CELF2: variants seen among roughly 807,000 people sequenced by gnomAD.
CELF2 encodes CUG triplet repeat RNA-binding protein 2.
In CELF2, 8 loss-of-function variants were observed where a neutral mutation model predicts 62.6. The ratio of observed to expected loss-of-function variants is 0.13; its 90% confidence interval spans 0.07 to 0.23. CELF2 has a LOEUF of 0.23. Ranked by LOEUF, CELF2 falls within the 10% of genes least tolerant of loss-of-function variation. CELF2 has a pLI of 1.00. For synonymous variants in CELF2, 258 were observed against 250.0 expected, an observed-to-expected ratio of 1.03 and a Z score of -0.30; for missense variants, 333 against 671.0, an observed-to-expected ratio of 0.50 and a Z score of 5.56.
chr10:10,866,683 G>A lies in CELF2; in HGVS notation c.54-53281G>A, dbSNP rs188970965. Among the ~76,000 whole-genome samples, 623 of 150,758 alleles carry A rather than the reference G, an allele frequency of 4.1e-3. 2 individuals carry two copies. The highest frequency in any genetic ancestry group is 0.011 in the Middle Eastern group (3 of 284). On this transcript the variant is annotated intron_variant, in intron 1 of 13. Coordinates refer to the CELF2 transcript ENST00000636488. ...AATAAAATTGTGGTGAGGGCCGGGC[G>A]CGGTGGCTCACGACTGTAATTCCAA...
intron 1 of CELF2, among the ~76,000 whole-genome samples, chr10:11,162,098 C>T (rs773179041): frequency 1.9e-4 from 29 of 152,122 alleles, no homozygotes; most frequent in Admixed American, 1.2e-3. Flanking sequence ...GCATGTGATT[C>T]GGCAGTGCCA....
chr10:10,708,637 A>G, the CELF2 span, among the ~76,000 whole-genome samples: 5 of 152,154 alleles, frequency 3.3e-5, no homozygotes, highest in Non-Finnish European at 4.4e-5. Context: ...AGATTATTCT[A>G]TTTTAGAGCT....
chr10:10,987,183 A>C (rs577084454), intron 2 of CELF2, among the ~76,000 whole-genome samples: 12 of 152,290 alleles, frequency 7.9e-5, no homozygotes, highest in Non-Finnish European at 1.3e-4. Context: ...AAACTCCAAC[A>C]GCAAAAGGAT....
intron 2 of CELF2, among the ~76,000 whole-genome samples, chr10:10,971,787 A>C (rs1424387333): frequency 6.6e-6 from 1 of 152,088 alleles, no homozygotes; most frequent in Non-Finnish European, 1.5e-5. Context: ...GAGTTTCACC[A>C]TGTTGGTCAG....
chr10:10,927,219 T>G (rs150789488), intron 2 of CELF2: 1 of 152,134 alleles, frequency 6.6e-6, no homozygotes, highest in East Asian at 1.9e-4. Context: ...AATATCCAGC[T>G]GCTAATGTGA....
rs1025535937 is a variant in CELF2 at position 11,151,052 on chromosome 10, G to A, written c.75-14434G>A. On this transcript the variant is annotated intron_variant, in intron 1 of 12. Coordinates refer to ENST00000633077, the MANE Select transcript of CELF2 (RefSeq NM_001326342.2). ...CAAAATATTAGTTAAGGAAGAATGA[G>A]GCTATTTAATTGGTTAGACTTGTTG... 2.6e-5 allele frequency among the ~76,000 whole-genome samples: 4 copies of A among 151,544 alleles called. No individual in the cohort carries two copies. In the East Asian group the frequency reaches 7.7e-4, roughly 29 times the overall value.
At chr10:11,259,289 A>G (rs1294299245) in intron 5 of CELF2, among the ~76,000 whole-genome samples, 4 of 152,366 alleles carry the variant, frequency 2.6e-5, no homozygotes, top group African/African-American at 9.6e-5. Context: ...GTCAGCTGCT[A>G]GAATGGAAGG....
At chr10:10,971,472 C>T (rs1457607654) in intron 2 of CELF2, among the ~76,000 whole-genome samples, 1 of 152,232 alleles carries the variant, frequency 6.6e-6, no homozygotes, top group Admixed American at 6.5e-5. Context: ...ATGTCCAACT[C>T]ATGCTGCACC....
chr10:10,848,068 A>G (rs766799086), intron 1 of CELF2, among the ~76,000 whole-genome samples: 25 of 152,166 alleles, frequency 1.6e-4, no homozygotes, highest in Non-Finnish European at 3.4e-4. Flanking sequence ...AGTCCATCAG[A>G]TAACTGGAGA....
intron 1 of CELF2, among the ~76,000 whole-genome samples, chr10:10,842,371 G>A (rs915042094): frequency 6.6e-6 from 1 of 151,972 alleles, no homozygotes; most frequent in African/African-American, 2.4e-5. Flanking sequence ...CTTATTCGTG[G>A]TCTCAGGGGA....
At chr10:10,561,009 C>A in the CELF2 span, among the ~76,000 whole-genome samples, 1 of 142,320 alleles carries the variant, frequency 7.0e-6, no homozygotes, top group African/African-American at 2.7e-5. Flanking sequence ...ACTTTGGAAA[C>A]TTAGGGGGCA....
the CELF2 span, among the ~76,000 whole-genome samples, chr10:10,621,501 A>C: frequency 6.6e-6 from 1 of 152,336 alleles, no homozygotes; most frequent in South Asian, 2.1e-4. Flanking sequence ...GAGCCTCAGC[A>C]GGCACAGAAA....
At chr10:10,462,838 C>T in the CELF2 span, among the ~76,000 whole-genome samples, 1 of 151,986 alleles carries the variant, frequency 6.6e-6, no homozygotes, top group African/African-American at 2.4e-5. Flanking sequence ...ACTATTTGCC[C>T]AGTTGCAACA....
chr10:10,891,280 G>A (rs2062118509), intron 1 of CELF2, among the ~76,000 whole-genome samples: 1 of 152,002 alleles, frequency 6.6e-6, no homozygotes, highest in Non-Finnish European at 1.5e-5. Flanking sequence ...AAGGGCGTCT[G>A]GGGAGCAAGC....
At chr10:10,897,646 T>C (rs1259756333) in intron 1 of CELF2, among the ~76,000 whole-genome samples, 1 of 152,058 alleles carries the variant, frequency 6.6e-6, no homozygotes, top group African/African-American at 2.4e-5. Context: ...AGGCCAGCAA[T>C]AGAGATGGGT....
intron 9 of CELF2, among the ~76,000 whole-genome samples, chr10:11,313,500 AC>A (rs2094701445): frequency 6.6e-6 from 1 of 152,226 alleles, no homozygotes; most frequent in African/African-American, 2.4e-5. Flanking sequence ...ACTTAGTAAA[AC>A]GGATTCAAGA....
intron 1 of CELF2, among the ~76,000 whole-genome samples, chr10:10,874,750 AAGATGG>A (rs1362676846): frequency 1.3e-5 from 2 of 152,190 alleles, no homozygotes; most frequent in Non-Finnish European, 2.9e-5. Context: ...ATATATTGGA[AAGATGG>A]AGTATGTAGA....
intron 3 of CELF2, 28 bp from the exon 4 acceptor site, chr10:11,249,125 C>T: frequency 1.3e-6 from 2 of 1,599,040 alleles, no homozygotes; most frequent in African/African-American, 1.3e-5. Context: ...TTCAATCTGC[C>T]TTTACTTTCT....
At chr10:11,239,161 C>A (rs1485363191) in intron 3 of CELF2, among the ~76,000 whole-genome samples, 1 of 152,162 alleles carries the variant, frequency 6.6e-6, no homozygotes, top group Non-Finnish European at 1.5e-5. Context: ...CCAGAGTAAT[C>A]TAGTTTTCCT....
Sources: gnomAD v4.1 joint callset for allele counts (sites outside exome capture counted in the v4.1 genomes callset) on GRCh38, gnomAD v4.1.1 for gene constraint, MANE v1.5 for transcripts, NCBI Gene and HGNC (gene_info 2026-07-23, HGNC 2026-07-21) for gene names.